Variants in PXDN observed in about 807,000 individuals in gnomAD.
The protein encoded by PXDN is peroxidasin.
A neutral mutation model predicts 140.3 loss-of-function variants in PXDN; 77 were observed. The ratio of observed to expected loss-of-function variants is 0.55; its 90% CI spans 0.46 to 0.66. The LOEUF (loss-of-function observed/expected upper bound fraction) is 0.66. Ranked by LOEUF, PXDN falls within the 30% of genes least tolerant of loss-of-function variation. The pLI is 0.00. For missense variants in PXDN, 1,838 were observed against 2,039.5 expected (o/e 0.90, Z 1.90); for synonymous variants, 911 against 857.4 (o/e 1.06, Z -1.09).
In PXDN at chr2:1,685,031, C is replaced by T. The variant is rs1684016645; in HGVS notation, c.417-880G>A. Among the ~76,000 whole-genome samples the T allele has an allele frequency of 6.6e-6, 1 of 152,202 alleles. No individual in the cohort carries two copies. The highest frequency in any genetic ancestry group is 1.5e-5 in the Non-Finnish European group (1 of 68,028). On this transcript the variant is annotated intron_variant, in intron 4 of 22. Coordinates refer to ENST00000252804, the MANE Select transcript of PXDN (RefSeq NM_012293.3). This position sits in a 1 kb window ranked among gnomAD's most constrained non-coding sequence, Gnocchi z 5.1. ...GCGTTCACAGGTCTTCATAACTCCA[C>T]AGAAAGGAGGACTCCTCAGAACGCA...
chr2:1,682,735 T>A (rs929760708), intron 6 of PXDN, among the ~76,000 whole-genome samples: 5 of 151,310 alleles, frequency 3.3e-5, no homozygotes, highest in African/African-American at 1.2e-4. Context: ...AGGTCAGGAG[T>A]TCAAGACCAG....
intron 19 of PXDN, among the ~76,000 whole-genome samples, chr2:1,640,110 C>T (rs913481277): frequency 3.5e-5 from 5 of 140,990 alleles, no homozygotes; most frequent in South Asian, 4.9e-4. Flanking sequence ...CCCTCAGTGC[C>T]GTGTCCCTCC....
intron 1 of PXDN, among the ~76,000 whole-genome samples, chr2:1,742,791 T>C (rs997818627): frequency 6.6e-6 from 1 of 152,142 alleles, no homozygotes; most frequent in African/African-American, 2.4e-5. Context: ...TTGGTCTCTC[T>C]GCGGAGGAGG....
chr2:1,717,523 C>T (rs2125475975), intron 1 of PXDN, among the ~76,000 whole-genome samples: 1 of 152,254 alleles, frequency 6.6e-6, no homozygotes, highest in Middle Eastern at 3.4e-3. Context: ...AAACTTGCAA[C>T]AATAGACTCA....
chr2:1,730,386 A>G (rs1285503834), intron 1 of PXDN, among the ~76,000 whole-genome samples: 4 of 152,130 alleles, frequency 2.6e-5, no homozygotes, highest in African/African-American at 4.8e-5. Context: ...GCCCAACCAA[A>G]CTCCACACCT....
intron 6 of PXDN, 23 bp from the exon 7 acceptor site, chr2:1,680,385 G>C (rs1167402833): frequency 1.9e-6 from 3 of 1,613,124 alleles, no homozygotes; most frequent in African/African-American, 2.7e-5. Context: ...AGATGCAGCC[G>C]GTGAGACATG....
chr2:1,657,312 C>G (rs1036254349), intron 14 of PXDN, among the ~76,000 whole-genome samples: 1 of 151,446 alleles, frequency 6.6e-6, no homozygotes, highest in Non-Finnish European at 1.5e-5. Context: ...GGACCTGCCC[C>G]TCCTGACAGA....
chr2:1,651,637 A>G lies in PXDN; in HGVS notation c.2105-1962T>C, dbSNP rs1246124676. Reference sequence around the variant, plus strand: ...GTTCCACTATGCTCCAACGTGCCCCACCTCCAAGACTCTGCATGTGTGGTC... The same window carrying G: ...GTTCCACTATGCTCCAACGTGCCCCGCCTCCAAGACTCTGCATGTGTGGTC... On this transcript the variant is annotated intron_variant, in intron 16 of 22. Coordinates refer to ENST00000252804, the MANE Select transcript of PXDN (RefSeq NM_012293.3). This position sits in a 1 kb window ranked among gnomAD's most constrained non-coding sequence, Gnocchi z 4.4. Among the ~76,000 whole-genome samples the G allele has an allele frequency of 1.3e-5, 2 of 151,308 alleles. 1 individual carries two copies. The highest frequency in any genetic ancestry group is 3.9e-4 in the East Asian group (2 of 5,148).
intron 1 of PXDN, among the ~76,000 whole-genome samples, chr2:1,698,413 T>C (rs1684345383): frequency 1.3e-5 from 2 of 151,938 alleles, no homozygotes; most frequent in South Asian, 4.2e-4. Flanking sequence ...CACCCCCTAC[T>C]TCAGAGTAAC....
chr2:1,673,162 T>A (rs1683615935), intron 9 of PXDN, among the ~76,000 whole-genome samples: 1 of 152,234 alleles, frequency 6.6e-6, no homozygotes, highest in Admixed American at 6.5e-5. Flanking sequence ...CTGAGACAGT[T>A]TTTAAATGTT....
In PXDN at chr2:1,663,686, C is replaced by T. The variant is rs746298361; in HGVS notation, c.1486G>A (p.Asp496Asn). The T allele has an allele frequency of 7.4e-6, 12 of 1,613,852 alleles. No homozygotes were observed. The highest frequency in any genetic ancestry group is 6.6e-5 in the South Asian group (6 of 91,084). Residue 496 changes from aspartate (D) to asparagine (N), a missense_variant, in exon 12 of 23, where the codon GAC becomes AAC. This residue lies in a region of PXDN where 537 missense variants were observed against 583.9 expected (regional missense o/e 0.92). Transcript: ENST00000252804. Reference sequence around the variant, plus strand: ...GCCTGGCATTCGTACTGGCCCTGGTCGTGGAGGGCAACACCAGAGATTCTA... The same window carrying T: ...GCCTGGCATTCGTACTGGCCCTGGTTGTGGAGGGCAACACCAGAGATTCTA... ...TLRISGVALH[D>N]QGQYECQAVN...
At chr2:1,697,155 TG>T (rs1175531592) in intron 1 of PXDN, among the ~76,000 whole-genome samples, 2 of 152,152 alleles carry the variant, frequency 1.3e-5, no homozygotes, top group African/African-American at 4.8e-5. Context: ...GATTTCCAGG[TG>T]ATTCTAAGCA....
rs2125425458 is a variant in PXDN at position 1,663,655 on chromosome 2, T to C, written c.1517A>G (p.Asn506Ser). 1 of 1,614,052 alleles carries C rather than the reference T, an allele frequency of 6.2e-7. No homozygotes were observed. The highest frequency in any genetic ancestry group is 8.5e-7 in the Non-Finnish European group (1 of 1,179,910). The change falls in exon 12 of 23, where the codon AAC (asparagine) becomes AGC (serine). Residue 506 changes from asparagine to serine, a missense_variant. Asn to Ser is a conservative substitution (Grantham distance 46). Around this residue, in one of 5 missense-constraint regions of PXDN, gnomAD observed 537 missense variants for 583.9 expected, o/e 0.92. Coordinates refer to ENST00000252804, the MANE Select transcript of PXDN (RefSeq NM_012293.3). ...CACGACCTTCTGGGAGCCGATGATG[T>C]TGACAGCCTGGCATTCGTACTGGCC... ...DQGQYECQAV[N>S]IIGSQKVVAH...
chr2:1,719,828 C>T (rs1013377573), intron 1 of PXDN, among the ~76,000 whole-genome samples: 3 of 131,384 alleles, frequency 2.3e-5, no homozygotes, highest in East Asian at 2.4e-4. Context: ...TGTGTACATG[C>T]GTGCATTGTG....
chr2:1,679,581 T>C (rs1195563873), intron 7 of PXDN, among the ~76,000 whole-genome samples: 2 of 139,098 alleles, frequency 1.4e-5, no homozygotes, highest in Admixed American at 7.2e-5. Flanking sequence ...TGTGTGTGGA[T>C]GGTGTGTGCG....
Position 1,724,378 on chromosome 2 carries a change from T to C in PXDN, c.200+19878A>G, listed in dbSNP as rs28693516. 6.0e-3 allele frequency among the ~76,000 whole-genome samples: 917 copies of C among 151,922 alleles called. 14 individuals are homozygous for C. Among genetic ancestry groups the C allele is most frequent in the African/African-American group, 0.021 (871 of 41,436 alleles). On this transcript the variant is annotated intron_variant, in intron 1 of 22. Coordinates refer to ENST00000252804, the MANE Select transcript of PXDN (RefSeq NM_012293.3). ...ACTTACACAGAAAATATCCTTTTTA[T>C]AGTAGGTTCTTTTGACAAAACATGT...
At position 1,666,431 on chromosome 2, in the gene PXDN, G is replaced by A. The variant is rs368676480; in HGVS notation, c.1074C>T (p.Ser358=). The change falls in exon 10 of 23, where the codon AGC becomes AGT. Residue 358 remains serine (S), a synonymous_variant. Transcript: ENST00000252804. ...CTGTGGCGCTGCACTCCAGCGTGAC[G>A]CTCTCCCCAACCAGCACCTCTGTAT... The part of the protein sequence containing the change: ...PQNTEVLVGE[S]VTLECSATGH... 1.7e-5 allele frequency: 28 copies of A among 1,613,024 alleles called. No individual in the cohort carries two copies. The Admixed American group carries it at 2.0e-4, about 12-fold the overall frequency.
intron 1 of PXDN, among the ~76,000 whole-genome samples, chr2:1,733,905 C>T (rs907611288): frequency 8.5e-5 from 13 of 152,100 alleles, no homozygotes; most frequent in African/African-American, 1.2e-4. Flanking sequence ...CACTATAAGA[C>T]ATTTTTTTTA....
At chr2:1,678,839 A>G (rs1393238181) in intron 7 of PXDN, among the ~76,000 whole-genome samples, 1 of 152,138 alleles carries the variant, frequency 6.6e-6, no homozygotes, top group Non-Finnish European at 1.5e-5. Flanking sequence ...CGGGGTGGGG[A>G]AGCAGCGCAG....
Sources: gnomAD v4.1 joint callset for allele counts (sites outside exome capture counted in the v4.1 genomes callset) on GRCh38, gnomAD v4.1.1 for gene constraint, gnomAD v4.1.1 regional missense constraint, Gnocchi (gnomAD v3.1) non-coding constraint, MANE v1.5 for transcripts, NCBI Gene and HGNC (gene_info 2026-07-23, HGNC 2026-07-21) for gene names.